Variants in PTPRD observed in about 807,000 individuals in gnomAD.
PTPRD encodes the protein protein tyrosine phosphatase receptor type D, also known as receptor-type tyrosine-protein phosphatase delta.
Under a neutral mutation model 214.5 loss-of-function variants are expected in PTPRD, and 34 were observed. The ratio of observed to expected loss-of-function variants is 0.16; its 90% CI spans 0.12 to 0.21. The LOEUF is 0.21. Among genes scored for constraint, PTPRD ranks in the 10% least tolerant of loss-of-function variants. The pLI, the probability that PTPRD is intolerant of heterozygous loss-of-function variation, is 1.00. For synonymous variants in PTPRD, 1,128 were observed against 845.7 expected, an observed-to-expected ratio of 1.33 and a Z score of -5.79; for missense variants, 2,545 against 2,398.7, an observed-to-expected ratio of 1.06 and a Z score of -1.27.
intron 11 of PTPRD, among the ~76,000 whole-genome samples, chr9:8,904,854 A>T (rs894867088): frequency 1.3e-5 from 2 of 152,052 alleles, no homozygotes; most frequent in Non-Finnish European, 2.9e-5. Flanking sequence ...GTAAAAATCA[A>T]CTCAACTAAA....
chr9:8,532,800 T>C (rs1646290643), intron 14 of PTPRD, among the ~76,000 whole-genome samples: 1 of 152,058 alleles, frequency 6.6e-6, no homozygotes, highest in South Asian at 2.1e-4. Context: ...ACATATTTTG[T>C]TTGGAATGGC....
intron 3 of PTPRD, among the ~76,000 whole-genome samples, chr9:10,325,936 T>C (rs1337005169): frequency 6.6e-6 from 1 of 151,876 alleles, no homozygotes; most frequent in Non-Finnish European, 1.5e-5. Context: ...ATAATTTTTT[T>C]ATGTAACAAA....
At chr9:9,051,886 A>C (rs2099686440) in intron 10 of PTPRD, among the ~76,000 whole-genome samples, 1 of 152,192 alleles carries the variant, frequency 6.6e-6, no homozygotes, top group Admixed American at 6.5e-5. Context: ...TCATTGCTCT[A>C]TTGCTACAAA....
chr9:8,691,325 G>A (rs1266053540), intron 12 of PTPRD, among the ~76,000 whole-genome samples: 2 of 151,548 alleles, frequency 1.3e-5, no homozygotes, highest in African/African-American at 4.9e-5. Context: ...CTGCCTCCAA[G>A]GGAAACAATT....
chr9:9,283,063 G>C (rs558665743), intron 9 of PTPRD, among the ~76,000 whole-genome samples: 2 of 151,462 alleles, frequency 1.3e-5, no homozygotes, highest in South Asian at 4.1e-4. Flanking sequence ...CCTAAACTTG[G>C]TGTGATAACC....
At chr9:8,523,483 A>T (rs1382407673) in intron 19 of PTPRD, 30 bp downstream of exon 19, 4 of 1,610,684 alleles carry the variant, frequency 2.5e-6, no homozygotes, top group Admixed American at 3.3e-5. Context: ...TAGTTTTGTA[A>T]GGTGGGTAAA....
intron 11 of PTPRD, among the ~76,000 whole-genome samples, chr9:8,811,253 A>T (rs2096796603): frequency 6.6e-6 from 1 of 152,112 alleles, no homozygotes; most frequent in Non-Finnish European, 1.5e-5. Flanking sequence ...ACTTCCCAGT[A>T]CCAATCCTTT....
intron 3 of PTPRD, among the ~76,000 whole-genome samples, chr9:10,181,818 TG>T (rs1230305734): frequency 6.7e-6 from 1 of 150,150 alleles, no homozygotes; most frequent in Non-Finnish European, 1.5e-5. Flanking sequence ...TAACTTCAAA[TG>T]GATAAAATAC....
chr9:10,262,110 A>C (rs2093735376), intron 3 of PTPRD, among the ~76,000 whole-genome samples: 1 of 152,172 alleles, frequency 6.6e-6, no homozygotes, highest in Non-Finnish European at 1.5e-5. Context: ...TTAATTGACA[A>C]ATGAAGCTGT....
chr9:9,454,267 C>A (rs1298708725), intron 8 of PTPRD, among the ~76,000 whole-genome samples: 1 of 151,618 alleles, frequency 6.6e-6, no homozygotes, highest in Non-Finnish European at 1.5e-5. Context: ...TACCCATTTT[C>A]TTGAGGAAAT....
At chr9:9,931,558 C>G (rs1485216836) in intron 5 of PTPRD, among the ~76,000 whole-genome samples, 3 of 152,164 alleles carry the variant, frequency 2.0e-5, no homozygotes, top group Non-Finnish European at 4.4e-5. Context: ...ATATCCCGCA[C>G]GTGGCTCGGA....
intron 11 of PTPRD, among the ~76,000 whole-genome samples, chr9:8,838,386 A>T (rs2097484795): frequency 6.6e-6 from 1 of 152,178 alleles, no homozygotes; most frequent in African/African-American, 2.4e-5. Context: ...TCACTAGATG[A>T]TTTAAAGGGA....
chr9:10,421,387 G>C (rs113861414), intron 2 of PTPRD, among the ~76,000 whole-genome samples: 1 of 151,986 alleles, frequency 6.6e-6, no homozygotes, highest in African/African-American at 2.4e-5. Context: ...ATTAAATGGA[G>C]CAAGGTTCCG....
intron 12 of PTPRD, among the ~76,000 whole-genome samples, chr9:8,674,993 A>T (rs1010871836): frequency 2.0e-5 from 3 of 152,146 alleles, no homozygotes; most frequent in Non-Finnish European, 4.4e-5. Context: ...AAAAGAAATA[A>T]CCAGGGTATA....
At position 10,286,162 on chromosome 9, in the gene PTPRD, CA is replaced by C. The variant is rs1438687189; in HGVS notation, c.-545+54800del. ...GACTTGTCCTTTTGTATGCATGTAC[CA>C]AATAAGGAAATCAGTAACTAGCTAT... On this transcript the variant is annotated intron_variant, in intron 3 of 45. Transcript: ENST00000381196. Among the ~76,000 whole-genome samples the C allele has an allele frequency of 3.0e-4, 46 of 151,852 alleles. 1 individual carries two copies. In the East Asian group the frequency reaches 8.3e-3, roughly 27 times the overall value.
At chr9:9,967,619 A>T (rs1222535849) in intron 4 of PTPRD, among the ~76,000 whole-genome samples, 2 of 152,192 alleles carry the variant, frequency 1.3e-5, no homozygotes, top group East Asian at 3.8e-4. Flanking sequence ...AGGGTTTAAG[A>T]GACTTTCCTG....
chr9:10,034,407 C>CTTT (rs56827836), intron 3 of PTPRD, among the ~76,000 whole-genome samples: 2,229 of 89,100 alleles, frequency 0.025, 50 homozygotes, highest in Admixed American at 0.069. Context: ...CCTGGCTCTA[C>CTTT]TTTTTTTTTT....
chr9:9,732,031 A>AG (rs909174021), intron 7 of PTPRD, among the ~76,000 whole-genome samples: 2 of 151,602 alleles, frequency 1.3e-5, no homozygotes, highest in Non-Finnish European at 3.0e-5. Context: ...GTTCAAGGAC[A>AG]GGGGGAATCA....
chr9:9,438,823 T>C (rs142439717), intron 8 of PTPRD, among the ~76,000 whole-genome samples: 2 of 152,310 alleles, frequency 1.3e-5, no homozygotes, highest in African/African-American at 4.8e-5. Context: ...AAAGTATAAA[T>C]GCAATATTCT....
Sources: allele counts gnomAD v4.1 joint callset (sites outside exome capture counted in the v4.1 genomes callset), GRCh38; gene constraint gnomAD v4.1.1; transcripts MANE v1.5; gene names NCBI Gene and HGNC (gene_info 2026-07-23, HGNC 2026-07-21).